The following RHPN1 variants were observed in gnomAD, a reference collection of about 807,000 sequenced individuals.
RHPN1 encodes the protein rhophilin Rho GTPase binding protein 1, also known as rhophilin-1.
In RHPN1, 77 loss-of-function variants were observed where a neutral mutation model predicts 74.7. That is an observed-to-expected ratio of 1.03 (90% CI 0.86 to 1.25). RHPN1 has a LOEUF of 1.25. Among genes scored for constraint, RHPN1 ranks in the 50% most tolerant of loss-of-function variants. The probability of loss-of-function intolerance (pLI) is 0.00; values close to 1 mark genes in which losing one functional copy is unlikely to be tolerated. For synonymous variants in RHPN1, 444 were observed against 414.5 expected, an observed-to-expected ratio of 1.07 and a Z score of -0.87; for missense variants, 987 against 932.2, an observed-to-expected ratio of 1.06 and a Z score of -0.77.
intron 2 of RHPN1, among the ~76,000 whole-genome samples, 193 bp downstream of exon 2, chr8:143,375,861 G>A (rs1435002536): frequency 6.6e-6 from 1 of 152,262 alleles, no homozygotes; most frequent in Non-Finnish European, 1.5e-5. Context: ...GTGGGCCTCT[G>A]TGCTGGGCTG....
intron 4 of RHPN1, among the ~76,000 whole-genome samples, chr8:143,377,848 G>A (rs1818387193): frequency 6.6e-6 from 1 of 152,212 alleles, no homozygotes; most frequent in Admixed American, 6.5e-5. Flanking sequence ...CCTGGGGAGA[G>A]CTAGAACAGA....
rs767376740 is a variant in RHPN1 at position 143,379,367 on chromosome 8, G to A, written c.804G>A (p.Met268Ile). 1.9e-6 allele frequency: 3 copies of A among 1,603,972 alleles called. No homozygotes were observed. Among genetic ancestry groups the A allele is most frequent in the South Asian group, 2.2e-5 (2 of 89,354 alleles). The change falls in exon 8 of 15, where the codon ATG becomes ATA. Residue 268 changes from methionine (M) to isoleucine (I), a missense_variant. Coordinates refer to ENST00000289013, the MANE Select transcript of RHPN1 (RefSeq NM_052924.3). Reference sequence around the variant, plus strand: ...TCTCCCATGCGCCGAGCCCAGACATGAGCGCTGCGTCCCTCTGCGCACTGG... The same window carrying A: ...TCTCCCATGCGCCGAGCCCAGACATAAGCGCTGCGTCCCTCTGCGCACTGG... ...ENFSHAPSPDMSAASLCALEQ... is the reference protein window; with the variant it reads ...ENFSHAPSPDISAASLCALEQ...
In RHPN1 at chr8:143,380,754, G is replaced by C. The variant is rs779347633; in HGVS notation, c.1382G>C (p.Cys461Ser). The C allele has an allele frequency of 1.9e-6, 3 of 1,587,812 alleles. No individual in the cohort carries two copies. Among genetic ancestry groups the C allele is most frequent in the African/African-American group, 2.7e-5 (2 of 74,404 alleles). ...YAELDREDDFCEAAEAPDIQP... is the reference protein window; with the variant it reads ...YAELDREDDFSEAAEAPDIQP... The stretch of plus-strand genomic sequence containing the variant: ...GAGCTCGACCGTGAGGATGACTTCT[G>C]TGAGGCTGCCGAGGCCCCGGACATC... The change falls in exon 11 of 15, where the codon TGT (cysteine) becomes TCT (serine). Residue 461 changes from cysteine to serine, a missense_variant. Transcript: ENST00000289013.
In RHPN1 at chr8:143,380,570, C is replaced by T. The variant is rs1330197587; in HGVS notation, c.1217-19C>T. 3 of 1,476,174 alleles carry T rather than the reference C, an allele frequency of 2.0e-6. No individual in the cohort carries two copies. Among genetic ancestry groups the T allele is most frequent in the East Asian group, 2.5e-5 (1 of 39,914 alleles). 91.4% of individuals were successfully genotyped at this position (1,476,174 alleles called of 1,614,324 possible). On this transcript the variant is annotated intron_variant, in intron 10 of 14. Transcript: ENST00000289013. ...CACGGGCCCACATGGTGTGTGACAT[C>T]CCAGTGCCCCGCGTGCAGGCAAGGC...
At chr8:143,378,553 C>A in intron 5 of RHPN1, 143 bp from the exon 6 acceptor site, 1 of 1,222,504 alleles carries the variant, frequency 8.2e-7, no homozygotes, top group South Asian at 1.5e-5. Context: ...ATGCTGCTGG[C>A]CTTCGGGAGT....
intron 1 of RHPN1, 89 bp downstream of exon 1, chr8:143,369,136 C>A: frequency 3.0e-6 from 3 of 994,098 alleles, no homozygotes; most frequent in South Asian, 1.9e-5. Flanking sequence ...GGGCGCCCCC[C>A]TCCTACGTCT....
At chr8:143,378,188 T>C in intron 4 of RHPN1, 81 bp from the exon 5 acceptor site, 1 of 1,195,350 alleles carries the variant, frequency 8.4e-7, no homozygotes, top group Non-Finnish European at 1.2e-6. Flanking sequence ...CATGAGTCTT[T>C]TCCCAAGGTG....
intron 1 of RHPN1, 52 bp from the exon 2 acceptor site, chr8:143,375,501 C>G: frequency 7.4e-7 from 1 of 1,345,150 alleles, no homozygotes. Flanking sequence ...GAGGCGCAGC[C>G]TGGTGCGGGC....
At chr8:143,368,836 C>T (rs564696882), upstream of RHPN1, 264 of 405,668 alleles carry the variant, frequency 6.5e-4, 2 homozygotes, top group African/African-American at 4.8e-3. Context: ...CGCCGCGGGC[C>T]GCCCCCACTC....
intron 1 of RHPN1, among the ~76,000 whole-genome samples, chr8:143,372,861 G>A (rs1349962476): frequency 1.4e-4 from 16 of 111,896 alleles, no homozygotes; most frequent in South Asian, 3.3e-4. Context: ...GGGACAATGC[G>A]GGGGTTTGGG....
In RHPN1 at chr8:143,382,874, C is replaced by A; in HGVS notation, c.*223C>A. 5.2e-6 allele frequency: 3 copies of A among 578,494 alleles called. No individual in the cohort carries two copies. The highest frequency in any genetic ancestry group is 4.6e-4 in the Middle Eastern group (1 of 2,196). The allele number at this position is 578,494 out of a possible 1,614,324, so 35.8% of individuals were successfully genotyped here. A position where few individuals can be genotyped will look rare whatever the true frequency, so the allele number is the denominator to read the frequency against. ...CACAGAAGGATGCCAGTCCCTCTGT[C>A]GGTCTGAGGTCAGCTTCCTGGGGCT... On this transcript the variant is annotated 3_prime_UTR_variant, in exon 15 of 15. Transcript: ENST00000289013.
intron 1 of RHPN1, among the ~76,000 whole-genome samples, chr8:143,371,179 G>C (rs532553905): frequency 1.3e-5 from 2 of 152,170 alleles, no homozygotes; most frequent in Non-Finnish European, 2.9e-5. Flanking sequence ...TCTGGCGTGC[G>C]TGCTGCTTAT....
intron 1 of RHPN1, among the ~76,000 whole-genome samples, chr8:143,371,574 C>T (rs1426245177): frequency 6.6e-6 from 1 of 152,150 alleles, no homozygotes; most frequent in African/African-American, 2.4e-5. Context: ...GTCCCCAGGT[C>T]AGCCCCACTC....
chr8:143,377,670 G>C (rs1361480524), intron 4 of RHPN1, among the ~76,000 whole-genome samples: 1 of 152,164 alleles, frequency 6.6e-6, no homozygotes, highest in African/African-American at 2.4e-5. Context: ...TGCGCCCCAG[G>C]CCGGGGCTGA....
chr8:143,376,302 A>C (rs1348339148), intron 2 of RHPN1, among the ~76,000 whole-genome samples: 1 of 152,202 alleles, frequency 6.6e-6, no homozygotes, highest in Non-Finnish European at 1.5e-5. Context: ...CGGAACATGC[A>C]GGTGCTGGGG....
intron 1 of RHPN1, among the ~76,000 whole-genome samples, chr8:143,369,576 G>C (rs1352637205): frequency 2.6e-5 from 4 of 152,212 alleles, no homozygotes; most frequent in Admixed American, 2.6e-4. Context: ...CTAACCCGGG[G>C]TGCTGACTGG....
At chr8:143,369,788 C>A (rs984127378) in intron 1 of RHPN1, among the ~76,000 whole-genome samples, 5 of 152,216 alleles carry the variant, frequency 3.3e-5, no homozygotes, top group Non-Finnish European at 7.4e-5. Flanking sequence ...CTGCTCCTCG[C>A]CCCGGGTGAG....
At chr8:143,369,716 C>A (rs958193121) in intron 1 of RHPN1, among the ~76,000 whole-genome samples, 3 of 152,248 alleles carry the variant, frequency 2.0e-5, no homozygotes, top group African/African-American at 4.8e-5. Context: ...GAGGCTGCCC[C>A]AGTCCTCCTG....
At chr8:143,380,911 T>A in intron 11 of RHPN1, 128 bp downstream of exon 11, 2 of 832,356 alleles carry the variant, frequency 2.4e-6, no homozygotes, top group South Asian at 3.7e-5. Flanking sequence ...AGTAGCACTT[T>A]CCAGGCCACG....
Sources: gnomAD v4.1 joint callset for allele counts (sites outside exome capture counted in the v4.1 genomes callset) on GRCh38, gnomAD v4.1.1 for gene constraint, MANE v1.5 for transcripts, NCBI Gene and HGNC (gene_info 2026-07-23, HGNC 2026-07-21) for gene names.